Variants in ATF6 observed in about 807,000 individuals in gnomAD.
The protein encoded by ATF6 is activating transcription factor 6.
Under a neutral mutation model 83.6 loss-of-function variants are expected in ATF6, and 53 were observed. That is an observed-to-expected ratio of 0.63 (90% CI 0.51 to 0.80). The LOEUF (loss-of-function observed/expected upper bound fraction) is 0.80. Ranked by LOEUF, ATF6 falls within the 30% of genes least tolerant of loss-of-function variation. The probability of loss-of-function intolerance (pLI) is 0.00; values close to 1 mark genes in which losing one functional copy is unlikely to be tolerated. For synonymous variants in ATF6, 288 were observed against 285.8 expected (o/e 1.01, Z -0.08); for missense variants, 744 against 797.9 (o/e 0.93, Z 0.81).
At chr1:161,848,078 T>C (rs1686525282) in intron 10 of ATF6, among the ~76,000 whole-genome samples, 1 of 151,664 alleles carries the variant, frequency 6.6e-6, no homozygotes, top group African/African-American at 2.4e-5. Flanking sequence ...AAAGTCACCA[T>C]TGAGTGAATA....
At chr1:161,877,931 A>G (rs890720532) in intron 14 of ATF6, among the ~76,000 whole-genome samples, 20 of 152,212 alleles carry the variant, frequency 1.3e-4, no homozygotes, top group Admixed American at 5.2e-4. Flanking sequence ...TACTAAGATG[A>G]AAATATTTGG....
chr1:161,857,456 G>C (rs1052329842), intron 12 of ATF6, among the ~76,000 whole-genome samples: 1 of 152,108 alleles, frequency 6.6e-6, no homozygotes. Flanking sequence ...AGGTAAAGGG[G>C]AAAATTAATG....
At chr1:161,791,264 AATAT>A in intron 4 of ATF6, 140 bp from the exon 5 acceptor site, 1 of 502,268 alleles carries the variant, frequency 2.0e-6, no homozygotes, top group Non-Finnish European at 3.3e-6. Context: ...CTTATTACTT[AATAT>A]ATATATACAG....
intron 9 of ATF6, among the ~76,000 whole-genome samples, chr1:161,836,613 G>T (rs1686223597): frequency 6.6e-6 from 1 of 152,172 alleles, no homozygotes; most frequent in Non-Finnish European, 1.5e-5. Context: ...TCTTTTCTCT[G>T]TAGATTTCAT....
chr1:161,775,552 G>C (rs1285656269), intron 1 of ATF6, among the ~76,000 whole-genome samples: 9 of 151,698 alleles, frequency 5.9e-5, no homozygotes, highest in Non-Finnish European at 7.4e-5. Context: ...TTTTTTATTT[G>C]GTGGTTGGTA....
intron 9 of ATF6, among the ~76,000 whole-genome samples, chr1:161,843,061 C>T (rs895507630): frequency 2.6e-5 from 4 of 152,194 alleles, no homozygotes; most frequent in East Asian, 3.8e-4. Context: ...CCTGGTAGCT[C>T]GGCGCACAAG....
At chr1:161,821,796 G>C (rs1472133158) in intron 9 of ATF6, among the ~76,000 whole-genome samples, 1 of 152,150 alleles carries the variant, frequency 6.6e-6, no homozygotes, top group Non-Finnish European at 1.5e-5. Flanking sequence ...GTTGTATTGA[G>C]TATAGACTGC....
chr1:161,768,351 G>T (rs1170034086), intron 1 of ATF6, among the ~76,000 whole-genome samples: 1 of 152,078 alleles, frequency 6.6e-6, no homozygotes, highest in Non-Finnish European at 1.5e-5. Flanking sequence ...CCCTGAATGT[G>T]CCCATTTCCA....
intron 14 of ATF6, among the ~76,000 whole-genome samples, chr1:161,888,971 C>T (rs1571216042): frequency 1.3e-5 from 2 of 152,300 alleles, no homozygotes; most frequent in East Asian, 1.9e-4. Flanking sequence ...CAACCACATA[C>T]ATATACACCC....
chr1:161,858,555 G>T (rs909710892), intron 12 of ATF6, among the ~76,000 whole-genome samples: 2 of 152,046 alleles, frequency 1.3e-5, no homozygotes, highest in African/African-American at 4.8e-5. Context: ...TTGATAAAAG[G>T]AGCATACAAG....
intron 6 of ATF6, among the ~76,000 whole-genome samples, chr1:161,799,538 A>G (rs1450001709): frequency 6.6e-6 from 1 of 152,182 alleles, no homozygotes; most frequent in Non-Finnish European, 1.5e-5. Context: ...GTGACATGCA[A>G]TTTATCCATG....
chr1:161,865,127 A>G (rs1686965034), intron 14 of ATF6, among the ~76,000 whole-genome samples: 1 of 152,100 alleles, frequency 6.6e-6, no homozygotes, highest in South Asian at 2.1e-4. Flanking sequence ...AAGGGAAGAG[A>G]ACAAGTATTT....
intron 15 of ATF6, among the ~76,000 whole-genome samples, chr1:161,950,564 G>T (rs1396164958): frequency 6.6e-6 from 1 of 152,122 alleles, no homozygotes; most frequent in Non-Finnish European, 1.5e-5. Context: ...CTAGTACATG[G>T]TGCCAGTGTT....
chr1:161,947,811 T>C (rs1271871357), intron 15 of ATF6, among the ~76,000 whole-genome samples: 1 of 7,302 alleles, frequency 1.4e-4, no homozygotes, highest in Non-Finnish European at 4.3e-4. Context: ...AAGCCACGCC[T>C]TTTTTTTTTT....
At chr1:161,838,865 A>G (rs571346045) in intron 9 of ATF6, among the ~76,000 whole-genome samples, 1 of 152,142 alleles carries the variant, frequency 6.6e-6, no homozygotes. Context: ...TCTTCATTTA[A>G]CCACATTTAT....
chr1:161,774,137 A>C (rs892564212), intron 1 of ATF6, among the ~76,000 whole-genome samples: 1 of 152,224 alleles, frequency 6.6e-6, no homozygotes, highest in African/African-American at 2.4e-5. Context: ...AATTCATTTT[A>C]ATATGCTTTA....
Position 161,843,561 on chromosome 1 carries a change from A to T in ATF6, c.1188-2888A>T, listed in dbSNP as rs571526189. ...TTATTTAGAGCATAAACTTGGGCAAACTGTTTAAACTCTTTGAGCTTCAAC... is the reference window on the plus strand; with the variant it reads ...TTATTTAGAGCATAAACTTGGGCAATCTGTTTAAACTCTTTGAGCTTCAAC... On this transcript the variant is annotated intron_variant, in intron 9 of 15. Coordinates refer to ENST00000367942, the MANE Select transcript of ATF6 (RefSeq NM_007348.4). Among the ~76,000 whole-genome samples, 6 of 152,268 alleles carry T rather than the reference A, an allele frequency of 3.9e-5. No individual in the cohort carries two copies. In the South Asian group the frequency reaches 6.2e-4, roughly 16 times the overall value.
At chr1:161,897,217 T>G (rs1687693713) in intron 14 of ATF6, among the ~76,000 whole-genome samples, 1 of 152,076 alleles carries the variant, frequency 6.6e-6, no homozygotes, top group African/African-American at 2.4e-5. Flanking sequence ...GCGGCTTGCC[T>G]GAGCTCAGGA....
chr1:161,885,169 A>T (rs986074741), intron 14 of ATF6, among the ~76,000 whole-genome samples: 1 of 152,160 alleles, frequency 6.6e-6, no homozygotes, highest in Non-Finnish European at 1.5e-5. Context: ...TTTTATGCTT[A>T]GGCATTTTCT....
Sources: gnomAD v4.1 joint callset for allele counts (sites outside exome capture counted in the v4.1 genomes callset) on GRCh38, gnomAD v4.1.1 for gene constraint, MANE v1.5 for transcripts, NCBI Gene and HGNC (gene_info 2026-07-23, HGNC 2026-07-21) for gene names.